GATAD2A: variants seen among roughly 807,000 people sequenced by gnomAD.
GATAD2A encodes the protein GATA zinc finger domain containing 2A, also known as transcriptional repressor p66-alpha.
In GATAD2A, 12 loss-of-function variants were observed where a neutral mutation model predicts 68.5. That is an observed-to-expected ratio of 0.18 (90% confidence interval 0.11 to 0.28). The LOEUF is 0.28. Among genes scored for constraint, GATAD2A ranks in the 10% least tolerant of loss-of-function variants. The pLI is 1.00. For synonymous variants in GATAD2A, 410 were observed against 375.3 expected (o/e 1.09, Z -1.07); for missense variants, 755 against 868.5 (o/e 0.87, Z 1.64).
intron 1 of GATAD2A, among the ~76,000 whole-genome samples, chr19:19,415,454 C>CT (rs770091753): frequency 0.012 from 1,685 of 138,532 alleles, 32 homozygotes; most frequent in African/African-American, 0.039. Flanking sequence ...CACGCCCAGC[C>CT]TTTTTTTTTT....
intron 2 of GATAD2A, among the ~76,000 whole-genome samples, chr19:19,482,120 T>A (rs1212097771): frequency 1.3e-5 from 2 of 149,960 alleles, no homozygotes; most frequent in African/African-American, 4.9e-5. Context: ...AAAAATAAAA[T>A]ATGACCGAGC....
At chr19:19,436,770 C>T (rs987076650) in intron 1 of GATAD2A, among the ~76,000 whole-genome samples, 9 of 152,202 alleles carry the variant, frequency 5.9e-5, no homozygotes, top group East Asian at 1.9e-4. Flanking sequence ...GCCTGGTCAG[C>T]GACGTTTTGG....
At position 19,465,561 on chromosome 19, in the gene GATAD2A, C is replaced by T; in HGVS notation, c.216C>T (p.Gly72=). The T allele has an allele frequency of 6.2e-7, 1 of 1,613,732 alleles. No individual in the cohort carries two copies. Residue 72 remains glycine, a synonymous_variant, in exon 2 of 12, where the codon GGC becomes GGT. Coordinates refer to ENST00000683918, the MANE Select transcript of GATAD2A (RefSeq NM_001384528.1). ...RATEATAMAM[G]RGEGLVGDGP... ...CAGAGGCCACGGCCATGGCCATGGG[C>T]AGAGGCGAAGGGCTGGTGGGCGATG...
intron 1 of GATAD2A, among the ~76,000 whole-genome samples, chr19:19,455,900 C>A (rs1471130636): frequency 6.6e-6 from 1 of 152,126 alleles, no homozygotes; most frequent in Non-Finnish European, 1.5e-5. Flanking sequence ...CCTGTAATCC[C>A]AGCACTTTGG....
chr19:19,411,382 T>G (rs1568708915), intron 1 of GATAD2A, among the ~76,000 whole-genome samples: 1 of 152,230 alleles, frequency 6.6e-6, no homozygotes, highest in South Asian at 2.1e-4. Context: ...GACTTCCATC[T>G]GTGAGATGGG....
chr19:19,463,405 G>A (rs888617824), intron 1 of GATAD2A, among the ~76,000 whole-genome samples: 6 of 152,060 alleles, frequency 3.9e-5, no homozygotes, highest in South Asian at 2.1e-4. Flanking sequence ...GAGGGACACC[G>A]TAGCATTCCT....
chr19:19,496,868 C>A (rs111979712), intron 7 of GATAD2A, among the ~76,000 whole-genome samples: 1 of 152,146 alleles, frequency 6.6e-6, no homozygotes, highest in African/African-American at 2.4e-5. Context: ...TGGGCGTGTT[C>A]GCTCTTTCTT....
At chr19:19,457,825 G>A (rs1221667919) in intron 1 of GATAD2A, among the ~76,000 whole-genome samples, 2 of 152,012 alleles carry the variant, frequency 1.3e-5, no homozygotes, top group African/African-American at 4.8e-5. Context: ...AGGCATGGTA[G>A]CCTGAGTTCA....
chr19:19,507,994 G>A lies in GATAD2A; in HGVS notation c.*2520G>A, dbSNP rs1157317503. 6.6e-6 allele frequency: 1 copy of A among 152,124 alleles called. No individual in the cohort carries two copies. 9.4% of individuals were successfully genotyped at this position (152,124 alleles called of 1,614,324 possible). ...AGGATAGCTATTGATTAATGTTAAG[G>A]GTGTTCTACCCACAGCAAAGCACAC... On this transcript the variant is annotated 3_prime_UTR_variant, in exon 12 of 12. Coordinates refer to ENST00000683918, the MANE Select transcript of GATAD2A (RefSeq NM_001384528.1).
upstream of GATAD2A, among the ~76,000 whole-genome samples, chr19:19,404,122 C>T (rs1600007423): frequency 2.6e-5 from 4 of 151,744 alleles, no homozygotes; most frequent in East Asian, 7.7e-4. Context: ...TTTTGGGGGG[C>T]AGGGCGGTGT....
intron 8 of GATAD2A, among the ~76,000 whole-genome samples, chr19:19,500,450 G>A (rs1048755807): frequency 2.6e-5 from 4 of 151,612 alleles, no homozygotes; most frequent in African/African-American, 9.7e-5. Flanking sequence ...CCTAAGTGCT[G>A]AACACAAAAA....
chr19:19,423,404 T>G (rs1030527656), intron 1 of GATAD2A, among the ~76,000 whole-genome samples: 14 of 152,264 alleles, frequency 9.2e-5, no homozygotes, highest in Non-Finnish European at 1.8e-4. Flanking sequence ...AGCATTTCAG[T>G]CATCACATGA....
At chr19:19,488,734 T>C (rs1320702829) in intron 2 of GATAD2A, among the ~76,000 whole-genome samples, 1 of 152,166 alleles carries the variant, frequency 6.6e-6, no homozygotes, top group Non-Finnish European at 1.5e-5. Flanking sequence ...GGTGAGACCA[T>C]TTACGCTGAT....
At position 19,502,390 on chromosome 19, in the gene GATAD2A, C is replaced by T. The variant is rs771987125; in HGVS notation, c.1638C>T (p.Phe546=). ...ATTPRGVLHT[F]SPSPKLQNSA... ...CGCCCCGAGGTGTCCTGCACACGTTCAGTCCGTCACCCAAACTGCAGAACT... is the reference window on the plus strand; with the variant it reads ...CGCCCCGAGGTGTCCTGCACACGTTTAGTCCGTCACCCAAACTGCAGAACT... Residue 546 remains phenylalanine (F), a synonymous_variant, in exon 11 of 12, where the codon TTC becomes TTT. Transcript: ENST00000683918. 6.2e-7 allele frequency: 1 copy of T among 1,613,682 alleles called. No individual in the cohort carries two copies. The highest frequency in any genetic ancestry group is 2.2e-5 in the East Asian group (1 of 44,884).
chr19:19,441,274 A>G (rs1354748185), intron 1 of GATAD2A, among the ~76,000 whole-genome samples: 3 of 152,316 alleles, frequency 2.0e-5, no homozygotes, highest in Non-Finnish European at 2.9e-5. Flanking sequence ...GGGTAACAAT[A>G]TTAGCATTAT....
At chr19:19,415,446 C>T (rs1213539260) in intron 1 of GATAD2A, among the ~76,000 whole-genome samples, 1 of 151,010 alleles carries the variant, frequency 6.6e-6, no homozygotes, top group Non-Finnish European at 1.5e-5. Context: ...TGAGCCACCA[C>T]GCCCAGCCTT....
intron 1 of GATAD2A, among the ~76,000 whole-genome samples, chr19:19,432,834 T>G (rs2053904820): frequency 6.6e-6 from 1 of 152,052 alleles, no homozygotes; most frequent in Non-Finnish European, 1.5e-5. Flanking sequence ...CCTCTGGGGT[T>G]AGGAGAGGAT....
chr19:19,393,900 T>C (rs1048461793), intron 1 of GATAD2A, among the ~76,000 whole-genome samples: 19 of 151,678 alleles, frequency 1.3e-4, no homozygotes, highest in African/African-American at 4.1e-4. Flanking sequence ...TTCTTTTTTT[T>C]TTTTTGGAGA....
chr19:19,438,706 T>C (rs1157920794), intron 1 of GATAD2A, among the ~76,000 whole-genome samples: 1 of 152,186 alleles, frequency 6.6e-6, no homozygotes, highest in East Asian at 1.9e-4. Flanking sequence ...GTTTGGGAGT[T>C]CAGAAGGGAA....
Sources: gnomAD v4.1 joint callset for allele counts (sites outside exome capture counted in the v4.1 genomes callset) on GRCh38, gnomAD v4.1.1 for gene constraint, MANE v1.5 for transcripts, NCBI Gene and HGNC (gene_info 2026-07-23, HGNC 2026-07-21) for gene names.